MED13L: variants seen among roughly 807,000 people sequenced by gnomAD.
The protein encoded by MED13L is mediator complex subunit 13L.
In MED13L, 7 loss-of-function variants were observed where a neutral mutation model predicts 220.9. The observed-to-expected ratio is 0.03, with a 90% confidence interval of 0.02 to 0.06. The LOEUF (loss-of-function observed/expected upper bound fraction) is 0.06. Among genes scored for constraint, MED13L ranks in the 10% least tolerant of loss-of-function variants. The probability of loss-of-function intolerance (pLI) is 1.00; values close to 1 mark genes in which losing one functional copy is unlikely to be tolerated. For missense variants in MED13L, 1,965 were observed against 2,760.5 expected (o/e 0.71, Z 6.46); for synonymous variants, 1,011 against 1,015.2 (o/e 1.00, Z 0.08).
Position 116,003,119 on chromosome 12 carries a change from T to C in MED13L, c.2470-17A>G. ...TGATACAGCCTAAGAACAGACGGTG[T>C]TATTAAAACAGAGTGACGTGTATAT... On this transcript the variant is annotated splice_polypyrimidine_tract_variant and intron_variant, in intron 13 of 30. Transcript: ENST00000281928. The C allele has an allele frequency of 3.7e-6, 6 of 1,606,004 alleles. No homozygotes were observed. Among genetic ancestry groups the C allele is most frequent in the Non-Finnish European group, 4.3e-6 (5 of 1,172,686 alleles).
At chr12:116,055,733 A>G (rs1350630140) in intron 4 of MED13L, among the ~76,000 whole-genome samples, 1 of 152,096 alleles carries the variant, frequency 6.6e-6, no homozygotes, top group Non-Finnish European at 1.5e-5. Context: ...TGTCTCTACA[A>G]AACTACAAAA....
chr12:115,993,415 G>T (rs918453764), intron 16 of MED13L, among the ~76,000 whole-genome samples: 1 of 152,082 alleles, frequency 6.6e-6, no homozygotes, highest in Admixed American at 6.6e-5. Context: ...AAAGAAGCAC[G>T]TCATAAAGAA....
At chr12:115,975,077 C>A in intron 25 of MED13L, 94 bp downstream of exon 25, 2 of 1,302,790 alleles carry the variant, frequency 1.5e-6, no homozygotes, top group Admixed American at 1.7e-5. Flanking sequence ...TTAATTCTTA[C>A]AAATTTAAAC....
chr12:116,182,449 T>C (rs150625232), intron 2 of MED13L, among the ~76,000 whole-genome samples: 162 of 152,286 alleles, frequency 1.1e-3, no homozygotes, highest in African/African-American at 3.7e-3. Context: ...GAAAGAGAAA[T>C]GCCACATTCC....
intron 23 of MED13L, among the ~76,000 whole-genome samples, chr12:115,977,423 C>T (rs1392501897): frequency 1.3e-5 from 2 of 152,202 alleles, no homozygotes; most frequent in Non-Finnish European, 2.9e-5. Flanking sequence ...CATCAATTCA[C>T]TCTCCACATG....
intron 6 of MED13L, 28 bp downstream of exon 6, chr12:116,019,749 AG>A: frequency 6.3e-7 from 1 of 1,589,196 alleles, no homozygotes; most frequent in Non-Finnish European, 8.6e-7. Context: ...AGAAGAATAA[AG>A]TTCTTCAGGC....
At chr12:116,043,156 T>G (rs1881637496) in intron 4 of MED13L, among the ~76,000 whole-genome samples, 2 of 152,056 alleles carry the variant, frequency 1.3e-5, no homozygotes, top group African/African-American at 4.8e-5. Context: ...AATGGTTCTA[T>G]CCCCCTCTCC....
chr12:116,261,875 C>T (rs1377179926), intron 1 of MED13L, among the ~76,000 whole-genome samples: 1 of 152,180 alleles, frequency 6.6e-6, no homozygotes, highest in Non-Finnish European at 1.5e-5. Context: ...CCTACTGGCC[C>T]TGCGTTATTT....
intron 3 of MED13L, among the ~76,000 whole-genome samples, chr12:116,103,734 C>T (rs1037776526): frequency 1.5e-4 from 23 of 152,174 alleles, no homozygotes; most frequent in Admixed American, 3.9e-4. Flanking sequence ...ACTTGTTCTA[C>T]GATATCTGTA....
intron 4 of MED13L, among the ~76,000 whole-genome samples, chr12:116,042,927 A>G (rs1181040987): frequency 6.6e-6 from 1 of 152,212 alleles, no homozygotes; most frequent in Non-Finnish European, 1.5e-5. Context: ...TCTCAGTTCA[A>G]TTCTTTCAAG....
chr12:116,185,693 CTTTTCTTTT>C (rs1244976880), intron 2 of MED13L, among the ~76,000 whole-genome samples: 1 of 89,150 alleles, frequency 1.1e-5, no homozygotes, highest in Non-Finnish European at 2.3e-5. Flanking sequence ...CTTTTCTTTT[CTTTTCTTTT>C]CTTTTCTTTT....
At chr12:116,059,504 G>A (rs11067892) in intron 4 of MED13L, among the ~76,000 whole-genome samples, 10,060 of 148,998 alleles carry the variant, frequency 0.068, 1,037 homozygotes, top group East Asian at 0.39. Flanking sequence ...TGCAACCTCC[G>A]CCTCCCGGGT....
chr12:115,999,418 G>A (rs922708112), intron 14 of MED13L, among the ~76,000 whole-genome samples: 4 of 151,738 alleles, frequency 2.6e-5, no homozygotes, highest in Non-Finnish European at 2.9e-5. Flanking sequence ...ATCTACGCTT[G>A]AAATAAATCC....
intron 2 of MED13L, among the ~76,000 whole-genome samples, chr12:116,235,474 A>G (rs1463483668): frequency 6.6e-6 from 1 of 152,110 alleles, no homozygotes; most frequent in African/African-American, 2.4e-5. Context: ...AAAACATCTA[A>G]AACTCTTTCA....
chr12:116,222,784 T>C (rs150308651), intron 2 of MED13L, among the ~76,000 whole-genome samples: 2,212 of 152,346 alleles, frequency 0.015, 27 homozygotes, highest in Middle Eastern at 0.051. Context: ...TGCAATCTAC[T>C]AACTTGCTAT....
chr12:116,176,948 C>T (rs895404611), intron 2 of MED13L, among the ~76,000 whole-genome samples: 2 of 151,340 alleles, frequency 1.3e-5, no homozygotes, highest in Non-Finnish European at 2.9e-5. Context: ...ATAGCCATTC[C>T]ATATACACTC....
chr12:116,205,003 CTAGA>C (rs1236139082), intron 2 of MED13L, among the ~76,000 whole-genome samples: 2 of 152,144 alleles, frequency 1.3e-5, no homozygotes, highest in East Asian at 3.9e-4. Context: ...TGGTGGCTAC[CTAGA>C]ACACCATAAA....
intron 23 of MED13L, among the ~76,000 whole-genome samples, chr12:115,980,057 A>G (rs1480260107): frequency 1.3e-5 from 2 of 152,242 alleles, no homozygotes; most frequent in African/African-American, 4.8e-5. Flanking sequence ...ACCCCTGCAG[A>G]GTAAACACAA....
rs529069973 is a variant in MED13L, at chr12:115,980,226, T to TA, written c.5364+523dup. 2.2e-3 allele frequency among the ~76,000 whole-genome samples: 337 copies of TA among 152,078 alleles called. 4 individuals carry two copies. Among genetic ancestry groups the TA allele is most frequent in the African/African-American group, 4.5e-3 (187 of 41,488 alleles). On this transcript the variant is annotated intron_variant, in intron 23 of 30. Coordinates refer to ENST00000281928, the MANE Select transcript of MED13L (RefSeq NM_015335.5). ...ATTTATTATTGCCTAAAGTCCTACA[T>TA]AAAAAAAACAGTAAGAATTTGCTTG...
Sources: gnomAD v4.1 joint callset for allele counts (sites outside exome capture counted in the v4.1 genomes callset) on GRCh38, gnomAD v4.1.1 for gene constraint, MANE v1.5 for transcripts, NCBI Gene and HGNC (gene_info 2026-07-23, HGNC 2026-07-21) for gene names.